CAST: variants seen among roughly 807,000 people sequenced by gnomAD.
CAST encodes calpastatin.
In CAST, 76 loss-of-function variants were observed where a neutral mutation model predicts 119.6. That is an observed-to-expected ratio of 0.64 (90% confidence interval 0.53 to 0.77). The LOEUF (loss-of-function observed/expected upper bound fraction) is 0.77, where lower values mean the gene tolerates loss of function less well. CAST is among the 30% of genes least tolerant of loss of function. The probability of loss-of-function intolerance (pLI) is 0.00; values close to 1 mark genes in which losing one functional copy is unlikely to be tolerated. For missense variants in CAST, 953 were observed against 946.5 expected, an observed-to-expected ratio of 1.01 and a Z score of -0.09; for synonymous variants, 319 against 331.6, an observed-to-expected ratio of 0.96 and a Z score of 0.41.
chr5:96,696,210 C>T (rs1581003759), intron 3 of CAST: 2 of 173,822 alleles, frequency 1.2e-5, no homozygotes, highest in Admixed American at 6.0e-5. Flanking sequence ...TGAGTAAAAA[C>T]GTAGTGCTCC....
the CAST span, chr5:95,961,513 G>A: frequency 7.2e-7 from 1 of 1,392,604 alleles, no homozygotes; most frequent in African/African-American, 1.5e-5. Context: ...ACCCGGGCGC[G>A]GCCAGGCCGT....
intron 1 of CAST, among the ~76,000 whole-genome samples, chr5:96,541,996 G>A (rs753934920): frequency 5.3e-5 from 8 of 152,150 alleles, no homozygotes; most frequent in Admixed American, 2.6e-4. Context: ...GTGCAATTGC[G>A]GGATCATATG....
the CAST span, among the ~76,000 whole-genome samples, chr5:96,011,006 G>A: frequency 6.6e-6 from 1 of 152,170 alleles, no homozygotes. Context: ...CTTTGCTGGA[G>A]TTTTAAAGGT....
intron 1 of CAST, among the ~76,000 whole-genome samples, chr5:96,633,865 T>C (rs182719146): frequency 5.9e-5 from 9 of 152,332 alleles, no homozygotes; most frequent in Admixed American, 5.9e-4. Flanking sequence ...TTCTGAGAGA[T>C]GGTGTTTCAG....
At chr5:96,015,541 A>G in the CAST span, among the ~76,000 whole-genome samples, 21 of 152,086 alleles carry the variant, frequency 1.4e-4, 1 homozygote, top group Admixed American at 7.9e-4. Context: ...TAATACTCCT[A>G]TCACTCCTGT....
At chr5:96,128,373 G>A in the CAST span, among the ~76,000 whole-genome samples, 2 of 152,010 alleles carry the variant, frequency 1.3e-5, no homozygotes, top group Non-Finnish European at 2.9e-5. Context: ...CCTCGGCCCT[G>A]GACTCTGCAC....
At chr5:96,643,105 A>T (rs1747973325) in intron 1 of CAST, among the ~76,000 whole-genome samples, 1 of 152,200 alleles carries the variant, frequency 6.6e-6, no homozygotes, top group Non-Finnish European at 1.5e-5. Context: ...TTTGCTACAT[A>T]CAAAACAACG....
At chr5:96,365,342 G>A in the CAST span, among the ~76,000 whole-genome samples, 11,439 of 149,648 alleles carry the variant, frequency 0.076, 1,377 homozygotes, top group African/African-American at 0.26. Context: ...TATTAGGTCC[G>A]CTTGGTGCAG....
the CAST span, among the ~76,000 whole-genome samples, chr5:96,148,140 G>A: frequency 6.6e-6 from 1 of 152,166 alleles, no homozygotes; most frequent in Admixed American, 6.5e-5. Context: ...GTTTTCTTCT[G>A]CTGATGGGAA....
intron 1 of CAST, among the ~76,000 whole-genome samples, chr5:96,597,536 C>A (rs769490578): frequency 6.6e-6 from 1 of 152,200 alleles, no homozygotes; most frequent in Non-Finnish European, 1.5e-5. Flanking sequence ...AGTCTTATAT[C>A]TCTTTCAAAT....
chr5:96,357,316 C>A, the CAST span, among the ~76,000 whole-genome samples: 2 of 152,090 alleles, frequency 1.3e-5, no homozygotes, highest in Admixed American at 1.3e-4. Context: ...ATTTGAATAC[C>A]CTTTATTTCT....
the CAST span, among the ~76,000 whole-genome samples, chr5:96,047,163 C>T: frequency 6.6e-6 from 1 of 152,198 alleles, no homozygotes; most frequent in Non-Finnish European, 1.5e-5. Flanking sequence ...ATGCTTAAAA[C>T]ATAGCAAGTT....
chr5:96,769,518 A>T (rs1227533416), intron 29 of CAST: 2 of 151,960 alleles, frequency 1.3e-5, no homozygotes, highest in African/African-American at 2.4e-5. Context: ...TTTGGGATGC[A>T]TAGAAATAAT....
the CAST span, chr5:96,394,894 T>C: frequency 6.2e-7 from 1 of 1,614,116 alleles, no homozygotes. Context: ...TCTCCACCCC[T>C]CTTCTGTCAT....
chr5:96,722,894 A>G (rs1011472544), intron 4 of CAST, among the ~76,000 whole-genome samples, 196 bp downstream of exon 4: 5 of 152,206 alleles, frequency 3.3e-5, no homozygotes, highest in Non-Finnish European at 7.3e-5. Context: ...CACATCATCT[A>G]CATGGTTTTA....
chr5:96,576,745 GT>G (rs1312448035), intron 1 of CAST, among the ~76,000 whole-genome samples: 1 of 151,808 alleles, frequency 6.6e-6, no homozygotes, highest in Admixed American at 6.6e-5. Flanking sequence ...TTGAATTTTG[GT>G]TGTTTGTGGT....
At chr5:96,382,026 T>A in the CAST span, among the ~76,000 whole-genome samples, 3 of 152,338 alleles carry the variant, frequency 2.0e-5, no homozygotes, top group East Asian at 5.8e-4. Flanking sequence ...TTAGCTGACA[T>A]TGAACATAAA....
intron 1 of CAST, among the ~76,000 whole-genome samples, chr5:96,582,217 C>G (rs1480342914): frequency 6.6e-6 from 1 of 152,116 alleles, no homozygotes; most frequent in Non-Finnish European, 1.5e-5. Flanking sequence ...GCAAATTTTT[C>G]ACTTTATTTA....
the CAST span, among the ~76,000 whole-genome samples, chr5:96,253,232 T>A: frequency 6.6e-6 from 1 of 152,206 alleles, no homozygotes; most frequent in South Asian, 2.1e-4. Context: ...GGCTAAAACC[T>A]GAAAATATGG....
Sources: allele counts gnomAD v4.1 joint callset (sites outside exome capture counted in the v4.1 genomes callset), GRCh38; gene constraint gnomAD v4.1.1; transcripts MANE v1.5; gene names NCBI Gene and HGNC (gene_info 2026-07-23, HGNC 2026-07-21).